LEF1: variants seen among roughly 807,000 people sequenced by gnomAD.
LEF1 encodes the protein lymphoid enhancer-binding factor 1.
LEF1 carries 14 observed loss-of-function variants against 51.2 expected under a neutral mutation model. The ratio of observed to expected loss-of-function variants is 0.27; its 90% CI spans 0.18 to 0.43. The LOEUF is 0.43. Among genes scored for constraint, LEF1 ranks in the 20% least tolerant of loss-of-function variants. The pLI is 1.00. For missense variants in LEF1, 386 were observed against 512.0 expected (o/e 0.75, Z 2.37); for synonymous variants, 185 against 183.2 (o/e 1.01, Z -0.08).
intron 3 of LEF1, among the ~76,000 whole-genome samples, chr4:108,135,171 T>C (rs1179910377): frequency 6.6e-6 from 1 of 152,184 alleles, no homozygotes; most frequent in Non-Finnish European, 1.5e-5. Flanking sequence ...GTCAAGACGC[T>C]ATTAAGACTC....
At chr4:108,070,155 TTAAA>T (rs1309914212) in intron 9 of LEF1, among the ~76,000 whole-genome samples, 1 of 152,088 alleles carries the variant, frequency 6.6e-6, no homozygotes, top group South Asian at 2.1e-4. Flanking sequence ...AAAAATAAGA[TTAAA>T]TAAATTGTGA....
chr4:108,074,210 G>C (rs1738693446), intron 8 of LEF1, among the ~76,000 whole-genome samples: 1 of 152,108 alleles, frequency 6.6e-6, no homozygotes, highest in Non-Finnish European at 1.5e-5. Flanking sequence ...AAACACAATT[G>C]ACTAAAAATG....
At chr4:108,050,336 A>C (rs575646550) in intron 11 of LEF1, among the ~76,000 whole-genome samples, 1 of 152,260 alleles carries the variant, frequency 6.6e-6, no homozygotes, top group East Asian at 1.9e-4. Flanking sequence ...GGACAAGAAG[A>C]CTGGTGGAGC....
At chr4:108,086,554 A>G (rs1329231669) in intron 4 of LEF1, among the ~76,000 whole-genome samples, 1 of 152,228 alleles carries the variant, frequency 6.6e-6, no homozygotes, top group South Asian at 2.1e-4. Context: ...CTCACTAGCT[A>G]TGCATTTTTG....
At chr4:108,061,250 T>C (rs1737670515) in intron 11 of LEF1, among the ~76,000 whole-genome samples, 1 of 152,140 alleles carries the variant, frequency 6.6e-6, no homozygotes, top group African/African-American at 2.4e-5. Flanking sequence ...GTTATTTTTG[T>C]TTTTCTTGCG....
chr4:108,088,395 C>T (rs3797003), intron 4 of LEF1, among the ~76,000 whole-genome samples: 4 of 152,178 alleles, frequency 2.6e-5, no homozygotes, highest in Non-Finnish European at 4.4e-5. Context: ...CAAAGAGGAA[C>T]GAGCCACCCT....
At chr4:108,112,984 G>A (rs1428835605) in intron 3 of LEF1, among the ~76,000 whole-genome samples, 2 of 152,164 alleles carry the variant, frequency 1.3e-5, no homozygotes, top group Non-Finnish European at 2.9e-5. Flanking sequence ...CCCTGTTGGA[G>A]GAAAAACAAC....
intron 3 of LEF1, among the ~76,000 whole-genome samples, chr4:108,158,122 G>C (rs577589599): frequency 6.6e-6 from 1 of 152,012 alleles, no homozygotes; most frequent in South Asian, 2.1e-4. Flanking sequence ...TGAGATACTG[G>C]ATGATTTATA....
chr4:108,111,895 G>A (rs1205482977), intron 3 of LEF1, among the ~76,000 whole-genome samples: 1 of 152,210 alleles, frequency 6.6e-6, no homozygotes, highest in African/African-American at 2.4e-5. Context: ...GACAGACTGA[G>A]AACCTGTCTC....
intron 6 of LEF1, among the ~76,000 whole-genome samples, chr4:108,081,375 T>C (rs1739291972): frequency 6.6e-6 from 1 of 152,096 alleles, no homozygotes; most frequent in Admixed American, 6.5e-5. Context: ...CATCGCCCGA[T>C]GGTGTGGCTG....
At chr4:108,059,705 GT>G (rs919726966) in intron 11 of LEF1, among the ~76,000 whole-genome samples, 29 of 152,060 alleles carry the variant, frequency 1.9e-4, no homozygotes, top group Non-Finnish European at 3.7e-4. Flanking sequence ...AGACTGGTTT[GT>G]TTTTTGCGTT....
intron 3 of LEF1, among the ~76,000 whole-genome samples, chr4:108,094,881 A>C (rs997125866): frequency 1.4e-4 from 21 of 152,182 alleles, no homozygotes; most frequent in African/African-American, 5.1e-4. Flanking sequence ...TCGTGACATA[A>C]AGCCATGTAA....
chr4:108,126,101 ACT>A (rs1399139804), intron 3 of LEF1, among the ~76,000 whole-genome samples: 2 of 152,054 alleles, frequency 1.3e-5, no homozygotes, highest in Non-Finnish European at 2.9e-5. Flanking sequence ...ATGTTCTGAA[ACT>A]CTCTTCCATT....
At chr4:108,151,440 G>A (rs1744354563) in intron 3 of LEF1, among the ~76,000 whole-genome samples, 1 of 152,144 alleles carries the variant, frequency 6.6e-6, no homozygotes, top group East Asian at 1.9e-4. Flanking sequence ...ATGGTAATAA[G>A]AAACTGAAGT....
chr4:108,061,449 T>G (rs754871838), intron 11 of LEF1, among the ~76,000 whole-genome samples: 1 of 152,066 alleles, frequency 6.6e-6, no homozygotes, highest in Non-Finnish European at 1.5e-5. Flanking sequence ...AACTCTGAAA[T>G]ACAGAAATAC....
chr4:108,124,346 T>C (rs1042609882), intron 3 of LEF1, among the ~76,000 whole-genome samples: 1 of 151,564 alleles, frequency 6.6e-6, no homozygotes, highest in Non-Finnish European at 1.5e-5. Context: ...GTGTGGGGAG[T>C]ATATACCCCT....
chr4:108,081,621 G>A lies in LEF1; in HGVS notation c.687C>T (p.Tyr229=), dbSNP rs1739316097. 2 of 1,614,026 alleles carry A rather than the reference G, an allele frequency of 1.2e-6. No individual in the cohort carries two copies. The highest frequency in any genetic ancestry group is 2.7e-5 in the African/African-American group (2 of 74,910). The change falls in exon 6 of 12, where the codon TAC becomes TAT. Residue 229 remains tyrosine, a synonymous_variant. Transcript: ENST00000265165. ...YPITGGFRQP[Y]PSSLSVDTSM... is the part of the protein sequence containing the mutation. ...AAGTGTCGACTGACAGTGAGGATGG[G>A]TAGGGTTGCCTGAATCCACCCGTGA...
Position 108,145,158 on chromosome 4 carries a change from A to G in LEF1, c.414+18410T>C, listed in dbSNP as rs1257987799. Among the ~76,000 whole-genome samples, 3 of 152,218 alleles carry G rather than the reference A, an allele frequency of 2.0e-5. No individual in the cohort carries two copies. In the East Asian group the frequency reaches 5.8e-4, roughly 29 times the overall value. On this transcript the variant is annotated intron_variant, in intron 3 of 11. Coordinates refer to ENST00000265165, the MANE Select transcript of LEF1 (RefSeq NM_016269.5). Reference sequence around the variant, plus strand: ...TGAAAAATTTTAAGTTTTACCAGAAATATTTAACATACAAATTGCCACTGG... The same window carrying G: ...TGAAAAATTTTAAGTTTTACCAGAAGTATTTAACATACAAATTGCCACTGG...
chr4:108,144,865 C>A (rs1396213933), intron 3 of LEF1, among the ~76,000 whole-genome samples: 13 of 41,922 alleles, frequency 3.1e-4, no homozygotes, highest in South Asian at 1.4e-3. Context: ...CCCAACCAGC[C>A]AAAAAAAAAA....
Sources: gnomAD v4.1 joint callset for allele counts (sites outside exome capture counted in the v4.1 genomes callset) on GRCh38, gnomAD v4.1.1 for gene constraint, MANE v1.5 for transcripts, NCBI Gene and HGNC (gene_info 2026-07-23, HGNC 2026-07-21) for gene names.